Variants in CUX2 observed in about 807,000 individuals in gnomAD.
CUX2 encodes cut like homeobox 2.
CUX2 carries 40 observed loss-of-function variants against 144.8 expected under a neutral mutation model. The observed-to-expected ratio is 0.28, with a 90% CI of 0.21 to 0.36. The LOEUF (loss-of-function observed/expected upper bound fraction) is 0.36, where lower values mean the gene tolerates loss of function less well. Ranked by LOEUF, CUX2 falls within the 10% of genes least tolerant of loss-of-function variation. The probability of loss-of-function intolerance (pLI) is 1.00; values close to 1 mark genes in which losing one functional copy is unlikely to be tolerated. For synonymous variants in CUX2, 827 were observed against 875.6 expected (o/e 0.94, Z 0.98); for missense variants, 1,615 against 1,994.0 (o/e 0.81, Z 3.62).
intron 19 of CUX2, among the ~76,000 whole-genome samples, chr12:111,336,460 T>TGTGTGTGTGTGTGTGTGTG (rs1490518484): frequency 3.1e-5 from 4 of 130,748 alleles, no homozygotes; most frequent in African/African-American, 1.2e-4. Flanking sequence ...GTGTGTGTGT[T>TGTGTGTGTGTGTGTGTGTG]TAAGATGGAG....
At position 111,263,765 on chromosome 12, in the gene CUX2, T is replaced by C; in HGVS notation, c.227T>C (p.Val76Ala). 1 of 1,613,732 alleles carries C rather than the reference T, an allele frequency of 6.2e-7. No individual in the cohort carries two copies. Among genetic ancestry groups the C allele is most frequent in the South Asian group, 1.1e-5 (1 of 91,066 alleles). The change falls in exon 4 of 22, where the codon GTG becomes GCG. Residue 76 changes from valine (V) to alanine (A), a missense_variant. Coordinates refer to ENST00000261726, the MANE Select transcript of CUX2 (RefSeq NM_015267.4). This position sits in a 1 kb window ranked among gnomAD's most constrained non-coding sequence, Gnocchi z 4.0. ...TTTCTCTTGTTGTCTCCAAAGGTGGTGGCCCTTAGTAAGAGAAGTCAGGAG... is the reference window on the plus strand; with the variant it reads ...TTTCTCTTGTTGTCTCCAAAGGTGGCGGCCCTTAGTAAGAGAAGTCAGGAG... ...PVLKSFQAEV[V>A]ALSKRSQEAE...
Position 111,057,256 on chromosome 12 carries a change from A to G in CUX2, c.63+23016A>G, listed in dbSNP as rs1870568611. On this transcript the variant is annotated intron_variant, in intron 1 of 21. Coordinates refer to ENST00000261726, the MANE Select transcript of CUX2 (RefSeq NM_015267.4). The surrounding 1 kb of genome is among the most constrained non-coding windows in gnomAD (Gnocchi z 5.1). ...CAAGAAATTGTGTGGGGGAGTCAGT[A>G]TGACAGGAAGTTACCAAGCTGGAGT... 6.6e-6 allele frequency among the ~76,000 whole-genome samples: 1 copy of G among 152,094 alleles called. No individual in the cohort carries two copies. The highest frequency in any genetic ancestry group is 6.6e-5 in the Admixed American group (1 of 15,260).
intron 1 of CUX2, among the ~76,000 whole-genome samples, chr12:111,147,818 G>A (rs1397206453): frequency 2.0e-5 from 3 of 152,130 alleles, no homozygotes; most frequent in Admixed American, 6.5e-5. Context: ...CCAGGAAGGC[G>A]ATGTGTCCAG....
chr12:111,084,480 A>T lies in CUX2; in HGVS notation c.63+50240A>T, dbSNP rs367931399. 2.9e-3 allele frequency among the ~76,000 whole-genome samples: 441 copies of T among 151,878 alleles called. 4 individuals carry two copies. The highest frequency in any genetic ancestry group is 0.01 in the African/African-American group (417 of 41,462). ...TTTCTTCTTTGTTTTTTCAAGGCCA[A>T]TTTAAACAGAATCTTTTTTTTTTTT... is the stretch of plus-strand genomic sequence containing the variant. On this transcript the variant is annotated intron_variant, in intron 1 of 21. Coordinates refer to ENST00000261726, the MANE Select transcript of CUX2 (RefSeq NM_015267.4).
rs990410930 is a variant in CUX2 at position 111,312,889 on chromosome 12, T to C, written c.2002+688T>C. Reference sequence around the variant, plus strand: ...GCCAACTCCTACTCATACCTATGACTCAACTCAGAAGTCACCTCCTGCAAG... The same window carrying C: ...GCCAACTCCTACTCATACCTATGACCCAACTCAGAAGTCACCTCCTGCAAG... On this transcript the variant is annotated intron_variant, in intron 16 of 21. Transcript: ENST00000261726. The surrounding 1 kb of genome is among the most constrained non-coding windows in gnomAD (Gnocchi z 4.3). Among the ~76,000 whole-genome samples, 16 of 152,086 alleles carry C rather than the reference T, an allele frequency of 1.1e-4. No individual in the cohort carries two copies. The highest frequency in any genetic ancestry group is 3.4e-4 in the African/African-American group (14 of 41,406).
intron 3 of CUX2, among the ~76,000 whole-genome samples, chr12:111,223,866 C>T (rs1881982761): frequency 6.6e-6 from 1 of 152,186 alleles, no homozygotes; most frequent in African/African-American, 2.4e-5. Context: ...GGATGAACTC[C>T]TTTCAAATGT....
intron 1 of CUX2, among the ~76,000 whole-genome samples, chr12:111,163,684 T>C (rs1250816249): frequency 1.3e-5 from 2 of 152,230 alleles, no homozygotes; most frequent in East Asian, 1.9e-4. Context: ...GTTTCCTTTT[T>C]ATGCTTAAGC....
intron 4 of CUX2, among the ~76,000 whole-genome samples, chr12:111,278,541 C>G (rs2136311700): frequency 6.6e-6 from 1 of 152,262 alleles, no homozygotes; most frequent in African/African-American, 2.4e-5. Context: ...GGCGCCCTAC[C>G]CTCTCACCCA....
intron 1 of CUX2, among the ~76,000 whole-genome samples, chr12:111,048,218 C>T (rs540429612): frequency 6.6e-6 from 1 of 152,166 alleles, no homozygotes; most frequent in Non-Finnish European, 1.5e-5. Context: ...ATGTTTGGCT[C>T]CCGCTGGGTT....
At chr12:111,331,012 T>C (rs1888099234) in intron 18 of CUX2, among the ~76,000 whole-genome samples, 2 of 151,600 alleles carry the variant, frequency 1.3e-5, no homozygotes. Context: ...AGGAAAGTCC[T>C]CAGGATGGCA....
At chr12:111,134,618 CTCTGTGTG>C (rs1230601799) in intron 1 of CUX2, among the ~76,000 whole-genome samples, 3 of 146,118 alleles carry the variant, frequency 2.1e-5, no homozygotes, top group Admixed American at 6.7e-5. Context: ...CTCTCTCTCT[CTCTGTGTG>C]TGTGTGTGTG....
At chr12:111,224,783 G>C (rs1882044576) in intron 3 of CUX2, among the ~76,000 whole-genome samples, 1 of 152,040 alleles carries the variant, frequency 6.6e-6, no homozygotes, top group South Asian at 2.1e-4. Flanking sequence ...TGAGCAGTAG[G>C]GGCAACTGTG....
In CUX2 at chr12:111,304,535, C is replaced by T. The variant is rs904103924; in HGVS notation, c.858+221C>T. Among the ~76,000 whole-genome samples, 2 of 152,282 alleles carry T rather than the reference C, an allele frequency of 1.3e-5. No individual in the cohort carries two copies. The highest frequency in any genetic ancestry group is 1.9e-4 in the East Asian group (1 of 5,190). On this transcript the variant is annotated intron_variant, in intron 10 of 21. Transcript: ENST00000261726. The surrounding 1 kb of genome is among the most constrained non-coding windows in gnomAD (Gnocchi z 4.7). ...ATAAAAATACAGCTACAGTTCTTTA[C>T]TTTTCAAGCCCACGTTTCCATATAC...
intron 1 of CUX2, among the ~76,000 whole-genome samples, chr12:111,100,574 G>T (rs1239504100): frequency 6.6e-6 from 1 of 152,116 alleles, no homozygotes; most frequent in East Asian, 1.9e-4. Flanking sequence ...AAGTCAGAGG[G>T]GTATGCATGC....
chr12:111,256,154 C>T (rs1201693970), intron 3 of CUX2, among the ~76,000 whole-genome samples: 1 of 152,134 alleles, frequency 6.6e-6, no homozygotes, highest in Non-Finnish European at 1.5e-5. Flanking sequence ...GGCCCATCGG[C>T]CCCTACCCAC....
chr12:111,318,238 C>CTTTTT (rs955839240), intron 16 of CUX2, among the ~76,000 whole-genome samples: 4 of 109,652 alleles, frequency 3.6e-5, no homozygotes, highest in South Asian at 3.4e-4. Context: ...ATTTTTTTTT[C>CTTTTT]TTTTTTCTTT....
chr12:111,146,835 C>T (rs914766394), intron 1 of CUX2, among the ~76,000 whole-genome samples: 1 of 151,964 alleles, frequency 6.6e-6, no homozygotes, highest in Non-Finnish European at 1.5e-5. Context: ...GTAAAATGGG[C>T]ATAATAATAG....
At chr12:111,201,867 T>C (rs569259975) in intron 1 of CUX2, among the ~76,000 whole-genome samples, 66 of 152,052 alleles carry the variant, frequency 4.3e-4, no homozygotes, top group African/African-American at 1.5e-3. Flanking sequence ...TGGAGAAGAG[T>C]GGACCAGAGT....
chr12:111,174,997 G>A (rs1182325359), intron 1 of CUX2, among the ~76,000 whole-genome samples: 1 of 152,220 alleles, frequency 6.6e-6, no homozygotes, highest in African/African-American at 2.4e-5. Context: ...TCACCATGCA[G>A]TCTAAATTGT....
Sources: gnomAD v4.1 joint callset for allele counts (sites outside exome capture counted in the v4.1 genomes callset) on GRCh38, gnomAD v4.1.1 for gene constraint, Gnocchi (gnomAD v3.1) non-coding constraint, MANE v1.5 for transcripts, NCBI Gene and HGNC (gene_info 2026-07-23, HGNC 2026-07-21) for gene names.